The following DOCK11 variants were observed in gnomAD, a reference collection of about 807,000 sequenced individuals.
The protein encoded by DOCK11 is dedicator of cytokinesis 11.
A neutral mutation model predicts 169.1 loss-of-function variants in DOCK11; 70 were observed. The ratio of observed to expected loss-of-function variants is 0.41; its 90% CI spans 0.34 to 0.51. DOCK11 has a LOEUF of 0.51. DOCK11 is among the 20% of genes least tolerant of loss of function. The pLI, the probability that DOCK11 is intolerant of heterozygous loss-of-function variation, is 0.10. For missense variants in DOCK11, 1,166 were observed against 1,538.8 expected, an observed-to-expected ratio of 0.76 and a Z score of 4.05; for synonymous variants, 529 against 541.3, an observed-to-expected ratio of 0.98 and a Z score of 0.32.
At chrX:118,544,644 G>GTTTTTTTTTTTTT (rs1439441148) in intron 4 of DOCK11, among the ~76,000 whole-genome samples, 3 of 45,709 alleles carry the variant, frequency 6.6e-5, no homozygotes, top group Non-Finnish European at 8.1e-5. Context: ...TTACACTGTT[G>GTTTTTTTTTTTTT]CTTTTTTTTT....
At chrX:118,547,285 C>T (rs911647182) in intron 6 of DOCK11, among the ~76,000 whole-genome samples, 6 of 111,685 alleles carry the variant, frequency 5.4e-5, no homozygotes, top group African/African-American at 1.6e-4. Context: ...AAGTAGAAAC[C>T]GTGGGTATCT....
chrX:118,659,726 C>T (rs1055886970), intron 44 of DOCK11, among the ~76,000 whole-genome samples: 7 of 111,659 alleles, frequency 6.3e-5, no homozygotes, highest in East Asian at 5.6e-4. Context: ...AACCCAGACA[C>T]GACTTTCAAA....
chrX:118,571,799 T>C (rs2013282881), intron 10 of DOCK11, among the ~76,000 whole-genome samples: 1 of 111,533 alleles, frequency 9.0e-6, no homozygotes, highest in Non-Finnish European at 1.9e-5. Context: ...GAGTGTGCAG[T>C]TTTCTATAGG....
chrX:118,561,665 A>G, intron 7 of DOCK11, 148 bp downstream of exon 7: 1 of 531,433 alleles, frequency 1.9e-6, no homozygotes, highest in Non-Finnish European at 2.8e-6. Flanking sequence ...GCCTAGGAGT[A>G]CATCAGCCTG....
intron 1 of DOCK11, among the ~76,000 whole-genome samples, chrX:118,515,897 T>C (rs1304811797): frequency 9.8e-6 from 1 of 102,417 alleles, no homozygotes; most frequent in Non-Finnish European, 2.0e-5. Flanking sequence ...TTTGTAAACA[T>C]TGGAAGAATA....
In DOCK11 at chrX:118,656,055, AT is replaced by A. The variant is rs775951660; in HGVS notation, c.4969+1095del. Among the ~76,000 whole-genome samples, 3 of 110,631 alleles carry A rather than the reference AT, an allele frequency of 2.7e-5. No individual in the cohort carries two copies. The South Asian group carries it at 1.2e-3, about 42-fold the overall frequency. On this transcript the variant is annotated intron_variant, in intron 44 of 52. Coordinates refer to ENST00000276202, the MANE Select transcript of DOCK11 (RefSeq NM_144658.4). The stretch of plus-strand genomic sequence containing the variant: ...CTGTAATGTCAACACTTTGGGAGGC[AT>A]GGGTAGGTGGATCACTTGAGCCCAG...
At chrX:118,542,870 A>G (rs747077541) in intron 2 of DOCK11, 29 bp downstream of exon 2, 3 of 1,197,413 alleles carry the variant, frequency 2.5e-6, no homozygotes, top group East Asian at 5.9e-5. Flanking sequence ...CTTTAAAGAA[A>G]AAAACCCCTA....
At position 118,685,930 on chromosome X, in the gene DOCK11, T is replaced by C; in HGVS notation, c.*123T>C. On this transcript the variant is annotated 3_prime_UTR_variant, in exon 53 of 53. Coordinates refer to ENST00000276202, the MANE Select transcript of DOCK11 (RefSeq NM_144658.4). ...TTTCTTCTCGACACCAAAATTTTCA[T>C]GTGTTCCAACAGGGTGCTTACATAT... is the stretch of plus-strand genomic sequence containing the variant. 2 of 944,358 alleles carry C rather than the reference T, an allele frequency of 2.1e-6. No individual in the cohort carries two copies. The highest frequency in any genetic ancestry group is 3.3e-5 in the East Asian group (1 of 30,338). The allele number at this position is 944,358 out of a possible 1,213,427, so 77.8% of individuals were successfully genotyped here. A position where few individuals can be genotyped will look rare whatever the true frequency, so the allele number is the denominator to read the frequency against.
chrX:118,572,126 C>T (rs1603076760), intron 10 of DOCK11, among the ~76,000 whole-genome samples, 197 bp from the exon 11 acceptor site: 1 of 112,162 alleles, frequency 8.9e-6, no homozygotes, highest in East Asian at 2.8e-4. Context: ...GTTTCATCAT[C>T]TCCCTCTAGG....
chrX:118,554,505 G>A (rs2012612494), intron 6 of DOCK11, among the ~76,000 whole-genome samples: 1 of 111,168 alleles, frequency 9.0e-6, no homozygotes, highest in East Asian at 2.8e-4. Context: ...AGCTGAGATC[G>A]CACCACTGCA....
At chrX:118,568,261 G>A in intron 10 of DOCK11, 99 bp downstream of exon 10, 1 of 473,695 alleles carries the variant, frequency 2.1e-6, no homozygotes, top group East Asian at 4.5e-5. Context: ...TTGCACCAGT[G>A]GGGAATATAG....
At chrX:118,590,080 C>A (rs1213083733) in intron 18 of DOCK11, 130 bp from the exon 19 acceptor site, 2 of 501,864 alleles carry the variant, frequency 4.0e-6, no homozygotes, top group Admixed American at 3.5e-5. Context: ...AATTTACAGG[C>A]TCACGGTGAC....
intron 44 of DOCK11, among the ~76,000 whole-genome samples, chrX:118,656,846 C>T (rs755957851): frequency 6.5e-4 from 72 of 110,775 alleles, no homozygotes; most frequent in African/African-American, 2.1e-3. Flanking sequence ...GAGGCAGGAG[C>T]GCTTGAACCC....
chrX:118,616,058 T>G, intron 30 of DOCK11: 1 of 304,874 alleles, frequency 3.3e-6, no homozygotes, highest in Non-Finnish European at 5.3e-6. Flanking sequence ...AAAGGTAGAG[T>G]AAAATGGTAA....
chrX:118,684,348 T>C (rs1222131071), intron 52 of DOCK11, among the ~76,000 whole-genome samples: 2 of 101,504 alleles, frequency 2.0e-5, no homozygotes, highest in African/African-American at 7.3e-5. Context: ...GTCAGCTCAC[T>C]GCAACCTCCG....
intron 1 of DOCK11, among the ~76,000 whole-genome samples, chrX:118,502,581 G>A (rs760515698): frequency 1.4e-4 from 16 of 111,728 alleles, no homozygotes; most frequent in African/African-American, 2.9e-4. Flanking sequence ...TGAACCCAAC[G>A]TCTGTCACTT....
At chrX:118,624,883 C>T (rs915792727) in intron 32 of DOCK11, among the ~76,000 whole-genome samples, 3 of 107,431 alleles carry the variant, frequency 2.8e-5, no homozygotes, top group Non-Finnish European at 3.8e-5. Flanking sequence ...TTTGGCCTCC[C>T]GAGTGGCTGG....
rs2013581962 is a variant in DOCK11, at chrX:118,580,193, T to G, written c.1595+14T>G. On this transcript the variant is annotated intron_variant, in intron 14 of 52. Coordinates refer to ENST00000276202, the MANE Select transcript of DOCK11 (RefSeq NM_144658.4). The stretch of plus-strand genomic sequence containing the variant: ...TTGGGCTGCCAGGTTTGTACAAATA[T>G]AATCCTGACCCGCTCACTCGTGTTC... 8.4e-7 allele frequency: 1 copy of G among 1,185,117 alleles called. No homozygotes were observed. Among genetic ancestry groups the G allele is most frequent in the African/African-American group, 1.8e-5 (1 of 56,684 alleles).
chrX:118,645,269 C>A, intron 40 of DOCK11, among the ~76,000 whole-genome samples: 1 of 111,587 alleles, frequency 9.0e-6, no homozygotes. Flanking sequence ...TTATTGAGGA[C>A]CTTCTCTGTG....
Sources: gnomAD v4.1 joint callset for allele counts (sites outside exome capture counted in the v4.1 genomes callset) on GRCh38, gnomAD v4.1.1 for gene constraint, MANE v1.5 for transcripts, NCBI Gene and HGNC (gene_info 2026-07-23, HGNC 2026-07-21) for gene names.